The following RNF135 variants were observed in gnomAD, a reference collection of about 807,000 sequenced individuals.
RNF135 encodes E3 ubiquitin-protein ligase RNF135.
Under a neutral mutation model 41.9 loss-of-function variants are expected in RNF135, and 46 were observed. The observed-to-expected ratio is 1.10, with a 90% confidence interval of 0.87 to 1.40. RNF135 has a LOEUF of 1.40. Among genes scored for constraint, RNF135 ranks in the 40% most tolerant of loss-of-function variants. The pLI, the probability that RNF135 is intolerant of heterozygous loss-of-function variation, is 0.00. For synonymous variants in RNF135, 238 were observed against 223.8 expected (o/e 1.06, Z -0.57); for missense variants, 539 against 549.8 (o/e 0.98, Z 0.20).
chr17:30,972,405 G>T (rs1358803460), intron 1 of RNF135: 2 of 151,880 alleles, frequency 1.3e-5, no homozygotes, highest in African/African-American at 4.8e-5. Flanking sequence ...GAGCCACCGC[G>T]CCCCGCCTAT....
the RNF135 span, chr17:30,959,699 C>T: frequency 6.6e-6 from 1 of 152,080 alleles, no homozygotes; most frequent in Non-Finnish European, 1.5e-5. Context: ...AACATGGTGA[C>T]CTCCCAGGAG....
At position 30,971,409 on chromosome 17, in the gene RNF135, G is replaced by A. The variant is rs1405233699; in HGVS notation, c.336G>A (p.Ala112=). ...CGGGCTCCAGTTCCCTCTCCAGCGC[G>A]GCCGCGAGGCCCCGGCGCCGCCCGG... ...PCPGSSSLSS[A]AARPRRRPEL... Residue 112 remains alanine (A), a synonymous_variant, in exon 1 of 5, where the codon GCG becomes GCA. Transcript: ENST00000328381. The A allele has an allele frequency of 1.3e-6, 2 of 1,517,294 alleles. No individual in the cohort carries two copies. The highest frequency in any genetic ancestry group is 2.6e-5 in the East Asian group (1 of 38,332). 94.0% of individuals were successfully genotyped at this position (1,517,294 alleles called of 1,614,324 possible).
chr17:30,963,803 T>C, the RNF135 span, among the ~76,000 whole-genome samples: 1 of 152,058 alleles, frequency 6.6e-6, no homozygotes, highest in Non-Finnish European at 1.5e-5. Context: ...AAGTTTGGCA[T>C]TAATAATGGG....
At chr17:30,989,121 G>A (rs1204304268) in intron 3 of RNF135, among the ~76,000 whole-genome samples, 2 of 150,452 alleles carry the variant, frequency 1.3e-5, no homozygotes, top group Non-Finnish European at 3.0e-5. Context: ...TGTAATCCCA[G>A]TGCTTTGGGA....
In RNF135 at chr17:30,993,756, AATTT is replaced by A. The variant is rs1009631533; in HGVS notation, c.680-3485_680-3482del. On this transcript the variant is annotated intron_variant, in intron 3 of 4. Transcript: ENST00000328381. ...TAGGTTTTGCAAATGCTTTTTAAAAAATTTTTTTCCTTTCTTTTTCTTTTGTTTA... is the reference window on the plus strand; with the variant it reads ...TAGGTTTTGCAAATGCTTTTTAAAAATTTTCCTTTCTTTTTCTTTTGTTTA... 1.8e-5 allele frequency: 18 copies of A among 976,326 alleles called. No homozygotes were observed. In the African/African-American group the frequency reaches 2.8e-4, roughly 15 times the overall value. The allele number at this position is 976,326 out of a possible 1,614,324, so 60.5% of individuals were successfully genotyped here.
chr17:30,975,796 C>G, intron 1 of RNF135: 2 of 1,050,474 alleles, frequency 1.9e-6, no homozygotes, highest in Admixed American at 1.7e-5. Context: ...ACCCCAACAT[C>G]AAGGTCCCTG....
chr17:30,962,718 C>T, the RNF135 span, among the ~76,000 whole-genome samples: 2 of 152,144 alleles, frequency 1.3e-5, no homozygotes, highest in African/African-American at 4.8e-5. Flanking sequence ...CCTGCCTGGG[C>T]CTCCCAAAGT....
At chr17:30,971,478 C>A (rs990571837) in intron 1 of RNF135, 33 bp downstream of exon 1, 4 of 1,463,290 alleles carry the variant, frequency 2.7e-6, no homozygotes, top group African/African-American at 1.5e-5. Context: ...TCCCCTGGCT[C>A]CCCCGGGCTG....
At chr17:30,968,451 A>C (rs2142640193), upstream of RNF135, among the ~76,000 whole-genome samples, 1 of 148,914 alleles carries the variant, frequency 6.7e-6, no homozygotes, top group African/African-American at 2.5e-5. Flanking sequence ...AGTGGTGCGA[A>C]CTCAGCTCAC....
At chr17:30,982,486 T>C (rs1237997892) in intron 1 of RNF135, among the ~76,000 whole-genome samples, 1 of 152,180 alleles carries the variant, frequency 6.6e-6, no homozygotes, top group Non-Finnish European at 1.5e-5. Flanking sequence ...CCCTGACACA[T>C]GGGATATGGG....
At chr17:30,962,136 C>CTT in the RNF135 span, among the ~76,000 whole-genome samples, 3 of 145,970 alleles carry the variant, frequency 2.1e-5, no homozygotes, top group African/African-American at 7.5e-5. Flanking sequence ...CTATGCTGCA[C>CTT]TTTTTTTTTT....
At chr17:30,975,941 C>G in intron 1 of RNF135, 1 of 537,322 alleles carries the variant, frequency 1.9e-6, no homozygotes, top group Non-Finnish European at 3.5e-6. Flanking sequence ...CTGTTCATCT[C>G]TACAAAGTTG....
chr17:30,960,748 T>TA, the RNF135 span, among the ~76,000 whole-genome samples: 961 of 147,634 alleles, frequency 6.5e-3, 9 homozygotes, highest in African/African-American at 0.023. Context: ...TATTTTATTT[T>TA]TTTTTTTTTG....
intron 3 of RNF135, among the ~76,000 whole-genome samples, chr17:30,996,088 CTTTTTTT>C (rs914464333): frequency 3.5e-3 from 392 of 112,862 alleles, no homozygotes; most frequent in South Asian, 0.011. Context: ...GAATTCATTA[CTTTTTTT>C]TTTTTTTTTT....
upstream of RNF135, among the ~76,000 whole-genome samples, chr17:30,969,764 T>TC (rs1381779902): frequency 5.8e-5 from 8 of 138,806 alleles, no homozygotes; most frequent in South Asian, 2.4e-4. Flanking sequence ...TTTTTCTTTT[T>TC]TTTTTTTTTT....
chr17:30,997,054 G>T (rs1908396782), intron 3 of RNF135, among the ~76,000 whole-genome samples, 188 bp from the exon 4 acceptor site: 2 of 152,222 alleles, frequency 1.3e-5, no homozygotes, highest in African/African-American at 4.8e-5. Context: ...AAAGTCCACA[G>T]TGAGAACATG....
intron 1 of RNF135, chr17:30,972,661 G>C (rs1469432518): frequency 2.0e-5 from 3 of 152,162 alleles, no homozygotes; most frequent in Non-Finnish European, 2.9e-5. Context: ...CTTTGTGCCT[G>C]GTTTCTTTCA....
intron 1 of RNF135, among the ~76,000 whole-genome samples, chr17:30,981,706 T>G (rs2142698553): frequency 6.6e-6 from 1 of 152,366 alleles, no homozygotes. Flanking sequence ...TGGGAAGGCT[T>G]TCCAGGAATT....
At chr17:30,962,622 G>A in the RNF135 span, among the ~76,000 whole-genome samples, 6 of 151,754 alleles carry the variant, frequency 4.0e-5, no homozygotes, top group East Asian at 1.9e-4. Flanking sequence ...CTGCTACCAC[G>A]CCCGGCTACT....
Sources: gnomAD v4.1 joint callset for allele counts (sites outside exome capture counted in the v4.1 genomes callset) on GRCh38, gnomAD v4.1.1 for gene constraint, MANE v1.5 for transcripts, NCBI Gene and HGNC (gene_info 2026-07-23, HGNC 2026-07-21) for gene names.